Variants in SV2C observed in about 807,000 individuals in gnomAD.
SV2C encodes synaptic vesicle glycoprotein 2C, also known as solute carrier family 22 member B3.
A neutral mutation model predicts 79.7 loss-of-function variants in SV2C; 49 were observed. The observed-to-expected ratio is 0.61, with a 90% CI of 0.49 to 0.78. The LOEUF (loss-of-function observed/expected upper bound fraction) is 0.78. Ranked by LOEUF, SV2C falls within the 30% of genes least tolerant of loss-of-function variation. The pLI is 0.00. For synonymous variants in SV2C, 334 were observed against 333.2 expected (o/e 1.00, Z -0.03); for missense variants, 833 against 912.9 (o/e 0.91, Z 1.13).
the SV2C span, among the ~76,000 whole-genome samples, chr5:75,860,536 GC>G: frequency 1.3e-5 from 2 of 152,130 alleles, no homozygotes; most frequent in Non-Finnish European, 2.9e-5. Flanking sequence ...TAGATTCAAT[GC>G]TATTCCGATT....
At chr5:75,871,826 T>C in the SV2C span, among the ~76,000 whole-genome samples, 626 of 137,992 alleles carry the variant, frequency 4.5e-3, 2 homozygotes, top group African/African-American at 0.019. Context: ...AATATATATA[T>C]ATATATATAC....
intron 6 of SV2C, chr5:76,286,669 T>C (rs1221102873): frequency 6.6e-6 from 1 of 152,204 alleles, no homozygotes; most frequent in Non-Finnish European, 1.5e-5. Context: ...TACCCAAGAC[T>C]GGGCAATTTA....
chr5:76,159,638 C>T (rs866032069), intron 2 of SV2C, among the ~76,000 whole-genome samples: 1 of 152,044 alleles, frequency 6.6e-6, no homozygotes, highest in Non-Finnish European at 1.5e-5. Flanking sequence ...TTTGTAGATG[C>T]ATCACTCCAG....
chr5:75,936,804 C>A, the SV2C span, among the ~76,000 whole-genome samples: 1,237 of 152,238 alleles, frequency 8.1e-3, 7 homozygotes, highest in Middle Eastern at 0.034. Flanking sequence ...TACGGCAAAC[C>A]CAATGGACAG....
intron 4 of SV2C, among the ~76,000 whole-genome samples, chr5:76,216,846 A>C (rs1744918585): frequency 6.6e-6 from 1 of 152,192 alleles, no homozygotes; most frequent in South Asian, 2.1e-4. Context: ...GCTGAATCAC[A>C]GGCACTTTCT....
At chr5:76,030,289 T>TTTTTATTTATTTA in the SV2C span, among the ~76,000 whole-genome samples, 21 of 117,900 alleles carry the variant, frequency 1.8e-4, no homozygotes, top group African/African-American at 7.8e-4. Flanking sequence ...TTTTTTTTTT[T>TTTTTATTTATTTA]TTTATTTATT....
chr5:76,005,463 G>T, the SV2C span, among the ~76,000 whole-genome samples: 1 of 152,152 alleles, frequency 6.6e-6, no homozygotes, highest in Non-Finnish European at 1.5e-5. Context: ...TTTTTTAGTT[G>T]GTTTTCCCTG....
At chr5:76,010,384 A>G in the SV2C span, among the ~76,000 whole-genome samples, 2 of 152,098 alleles carry the variant, frequency 1.3e-5, no homozygotes, top group African/African-American at 4.8e-5. Context: ...AAATGCAGCA[A>G]TTTGCTTAAA....
At chr5:76,236,917 TGTTCTCATGACAGTGAGTGA>T in intron 4 of SV2C, among the ~76,000 whole-genome samples, 1 of 152,222 alleles carries the variant, frequency 6.6e-6, no homozygotes, top group African/African-American at 2.4e-5. Context: ...TCCCCCATGC[TGTTCTCATGACAGTGAGTGA>T]GTTCTCATGA....
At chr5:76,296,583 G>GTAC (rs1747774774) in intron 9 of SV2C, among the ~76,000 whole-genome samples, 1 of 152,284 alleles carries the variant, frequency 6.6e-6, no homozygotes, top group South Asian at 2.1e-4. Context: ...AGTAGACCAA[G>GTAC]TACTTGTTTA....
intron 2 of SV2C, among the ~76,000 whole-genome samples, chr5:76,162,208 G>A (rs1742916571): frequency 6.6e-6 from 1 of 152,178 alleles, no homozygotes; most frequent in Non-Finnish European, 1.5e-5. Context: ...GTCAGATAAT[G>A]ATATTCTTGA....
chr5:75,929,471 A>C, the SV2C span, among the ~76,000 whole-genome samples: 1 of 151,964 alleles, frequency 6.6e-6, no homozygotes. Flanking sequence ...ATTATCATGA[A>C]TGTGCAAAGA....
chr5:76,182,145 G>C (rs556724833), intron 2 of SV2C, among the ~76,000 whole-genome samples: 74 of 152,134 alleles, frequency 4.9e-4, no homozygotes, highest in African/African-American at 1.7e-3. Flanking sequence ...ATGGTCAGCT[G>C]TATTGACCAC....
the SV2C span, among the ~76,000 whole-genome samples, chr5:76,077,002 C>T: frequency 3.3e-5 from 5 of 152,056 alleles, no homozygotes; most frequent in African/African-American, 4.8e-5. Flanking sequence ...TCAAACATCT[C>T]GTAAAAGGAT....
chr5:76,105,444 C>A (rs374351245), intron 1 of SV2C, among the ~76,000 whole-genome samples: 68 of 152,252 alleles, frequency 4.5e-4, no homozygotes, highest in African/African-American at 1.6e-3. Context: ...AACAAAGGAA[C>A]CCAGGGGTTC....
the SV2C span, among the ~76,000 whole-genome samples, chr5:75,903,764 A>G: frequency 6.6e-6 from 1 of 152,170 alleles, no homozygotes; most frequent in Non-Finnish European, 1.5e-5. Flanking sequence ...TTTCTTTTAG[A>G]CTTCAACTTT....
At chr5:76,272,958 G>A (rs1362863117) in intron 4 of SV2C, among the ~76,000 whole-genome samples, 1 of 151,796 alleles carries the variant, frequency 6.6e-6, no homozygotes, top group Non-Finnish European at 1.5e-5. Context: ...GTAAAATAGA[G>A]AAGGAAACTT....
the SV2C span, among the ~76,000 whole-genome samples, chr5:75,942,864 A>AT: frequency 6.6e-6 from 1 of 152,174 alleles, no homozygotes; most frequent in Admixed American, 6.6e-5. Flanking sequence ...TGTTAATCGA[A>AT]TTAAGAAACC....
At chr5:76,296,593 A>T (rs1224058987) in intron 9 of SV2C, among the ~76,000 whole-genome samples, 1 of 152,172 alleles carries the variant, frequency 6.6e-6, no homozygotes, top group Non-Finnish European at 1.5e-5. Flanking sequence ...GTACTTGTTT[A>T]TATCCAAGTA....
Sources: allele counts gnomAD v4.1 joint callset (sites outside exome capture counted in the v4.1 genomes callset), GRCh38; gene constraint gnomAD v4.1.1; transcripts MANE v1.5; gene names NCBI Gene and HGNC (gene_info 2026-07-23, HGNC 2026-07-21).